KIF16B: variants seen among roughly 807,000 people sequenced by gnomAD.
The protein encoded by KIF16B is kinesin family member 16B, also known as kinesin-like protein KIF16B.
KIF16B carries 98 observed loss-of-function variants against 156.3 expected under a neutral mutation model. The ratio of observed to expected loss-of-function variants is 0.63; its 90% CI spans 0.53 to 0.74. KIF16B has a LOEUF of 0.74. KIF16B is among the 30% of genes least tolerant of loss of function. KIF16B has a pLI of 0.00. For synonymous variants in KIF16B, 564 were observed against 583.7 expected (o/e 0.97, Z 0.49); for missense variants, 1,421 against 1,606.5 (o/e 0.88, Z 1.97).
At chr20:16,403,291 A>G (rs1461614940) in intron 17 of KIF16B, among the ~76,000 whole-genome samples, 3 of 152,240 alleles carry the variant, frequency 2.0e-5, no homozygotes, top group Non-Finnish European at 4.4e-5. Flanking sequence ...AGATCTGTGT[A>G]TTATATTAAA....
intron 15 of KIF16B, among the ~76,000 whole-genome samples, chr20:16,423,264 A>C (rs2146390709): frequency 6.6e-6 from 1 of 152,314 alleles, no homozygotes; most frequent in South Asian, 2.1e-4. Flanking sequence ...TCACAAGGAA[A>C]ATAAAAACAA....
chr20:16,492,967 A>G (rs1388280514), intron 12 of KIF16B, among the ~76,000 whole-genome samples: 1 of 152,130 alleles, frequency 6.6e-6, no homozygotes, highest in Non-Finnish European at 1.5e-5. Context: ...AACTTAAACA[A>G]CAACAAAGTC....
intron 25 of KIF16B, among the ~76,000 whole-genome samples, chr20:16,292,433 C>T (rs141933033): frequency 6.6e-6 from 1 of 152,182 alleles, no homozygotes; most frequent in East Asian, 1.9e-4. Context: ...GAAAAAATAG[C>T]TAGCTGAATT....
At chr20:16,339,790 T>C (rs955886689) in intron 23 of KIF16B, among the ~76,000 whole-genome samples, 10 of 152,166 alleles carry the variant, frequency 6.6e-5, no homozygotes, top group Non-Finnish European at 1.5e-4. Flanking sequence ...GCTTCCAAAA[T>C]AGAATGAGAA....
intron 19 of KIF16B, among the ~76,000 whole-genome samples, chr20:16,374,698 G>A (rs901424809): frequency 6.6e-6 from 1 of 152,194 alleles, no homozygotes; most frequent in African/African-American, 2.4e-5. Context: ...CCTAGAGGTA[G>A]GTGTATAGGA....
intron 12 of KIF16B, among the ~76,000 whole-genome samples, chr20:16,441,899 T>C (rs542386176): frequency 6.6e-6 from 1 of 152,232 alleles, no homozygotes; most frequent in Admixed American, 6.5e-5. Context: ...TTTATCTATA[T>C]CTGTCTCTGT....
At chr20:16,446,890 A>T (rs1650030004) in intron 12 of KIF16B, among the ~76,000 whole-genome samples, 1 of 152,192 alleles carries the variant, frequency 6.6e-6, no homozygotes, top group Non-Finnish European at 1.5e-5. Context: ...TTGAAAAAAT[A>T]CTTGGACTCA....
chr20:16,513,683 A>C (rs970188969), intron 4 of KIF16B, among the ~76,000 whole-genome samples: 2 of 134,314 alleles, frequency 1.5e-5, no homozygotes, highest in South Asian at 2.5e-4. Flanking sequence ...AAAAAAAAAA[A>C]CCACATGCTA....
chr20:16,426,736 T>C (rs1228250493), intron 15 of KIF16B, among the ~76,000 whole-genome samples: 1 of 152,134 alleles, frequency 6.6e-6, no homozygotes, highest in Non-Finnish European at 1.5e-5. Flanking sequence ...TCTATGTATG[T>C]TACAATTATA....
intron 12 of KIF16B, among the ~76,000 whole-genome samples, chr20:16,449,583 A>G (rs150476787): frequency 1.3e-3 from 201 of 152,360 alleles, no homozygotes; most frequent in African/African-American, 4.6e-3. Flanking sequence ...CAAAGAATAG[A>G]GGTGGGAGAT....
At chr20:16,367,686 T>A (rs1434942175) in intron 22 of KIF16B, 1 of 1,612,404 alleles carries the variant, frequency 6.2e-7, no homozygotes, top group Non-Finnish European at 8.5e-7. Context: ...ACACCTGAAC[T>A]CCATTTGGCA....
intron 1 of KIF16B, among the ~76,000 whole-genome samples, chr20:16,555,594 C>G (rs1333964557): frequency 6.6e-6 from 1 of 152,124 alleles, no homozygotes; most frequent in Non-Finnish European, 1.5e-5. Flanking sequence ...GTCTGCTGAC[C>G]AGATGAATAA....
intron 1 of KIF16B, among the ~76,000 whole-genome samples, chr20:16,566,968 T>C (rs919794012): frequency 6.6e-6 from 1 of 152,246 alleles, no homozygotes; most frequent in Non-Finnish European, 1.5e-5. Context: ...ACACCCTGTC[T>C]ACCTGCCTTG....
intron 7 of KIF16B, among the ~76,000 whole-genome samples, chr20:16,506,849 C>A (rs1335866039): frequency 6.6e-6 from 1 of 151,936 alleles, no homozygotes; most frequent in Admixed American, 6.6e-5. Flanking sequence ...GATCCCAGCA[C>A]TTTGGGAGGC....
At chr20:16,468,601 G>GAAAAAAAA (rs1204615324) in intron 12 of KIF16B, among the ~76,000 whole-genome samples, 1 of 140,896 alleles carries the variant, frequency 7.1e-6, no homozygotes, top group Non-Finnish European at 1.5e-5. Context: ...AAAAAAAAAG[G>GAAAAAAAA]AAAATTATAT....
chr20:16,302,989 A>AT (rs562424098), intron 25 of KIF16B, among the ~76,000 whole-genome samples: 1 of 152,144 alleles, frequency 6.6e-6, no homozygotes, highest in Non-Finnish European at 1.5e-5. Context: ...ATCAGTATAT[A>AT]TTTTTTCTTG....
chr20:16,367,567 A>C (rs1460704124), intron 22 of KIF16B: 1 of 1,612,888 alleles, frequency 6.2e-7, no homozygotes, highest in Non-Finnish European at 8.5e-7. Flanking sequence ...CATGACTTTC[A>C]CTGTTGTGTA....
chr20:16,564,297 G>T (rs1395958918), intron 1 of KIF16B, among the ~76,000 whole-genome samples: 4 of 152,180 alleles, frequency 2.6e-5, no homozygotes, highest in African/African-American at 9.7e-5. Context: ...GTATTCCATG[G>T]TGTATATGTG....
At chr20:16,502,183 T>TCC (rs2068645798) in intron 10 of KIF16B, among the ~76,000 whole-genome samples, 1 of 152,140 alleles carries the variant, frequency 6.6e-6, no homozygotes, top group Non-Finnish European at 1.5e-5. Context: ...TAGAAGTTGA[T>TCC]TTTTATTTAG....
Sources: gnomAD v4.1 joint callset for allele counts (sites outside exome capture counted in the v4.1 genomes callset) on GRCh38, gnomAD v4.1.1 for gene constraint, MANE v1.5 for transcripts, NCBI Gene and HGNC (gene_info 2026-07-23, HGNC 2026-07-21) for gene names.